The following MTSS1 variants were observed in gnomAD, a reference collection of about 807,000 sequenced individuals.
MTSS1 encodes protein MTSS 1.
A neutral mutation model predicts 79.0 loss-of-function variants in MTSS1; 18 were observed. The ratio of observed to expected loss-of-function variants is 0.23; its 90% confidence interval spans 0.16 to 0.34. The LOEUF is 0.34. Among genes scored for constraint, MTSS1 ranks in the 10% least tolerant of loss-of-function variants. The pLI is 1.00. For missense variants in MTSS1, 815 were observed against 986.2 expected, an observed-to-expected ratio of 0.83 and a Z score of 2.33; for synonymous variants, 341 against 368.6, an observed-to-expected ratio of 0.93 and a Z score of 0.86.
rs745939721 is a variant in MTSS1 at position 124,567,185 on chromosome 8, G to A, written c.619-7C>T. On this transcript the variant is annotated splice_polypyrimidine_tract_variant and splice_region_variant and intron_variant, in intron 7 of 13. Coordinates refer to ENST00000518547, the MANE Select transcript of MTSS1 (RefSeq NM_014751.6). ...GCATTGAGATTTCTTCTTCCTGAAG[G>A]AAAAGTCATTCATGAAATGTTATTA... The A allele has an allele frequency of 8.9e-6, 14 of 1,581,808 alleles. No homozygotes were observed. Among genetic ancestry groups the A allele is most frequent in the Non-Finnish European group, 1.2e-5 (14 of 1,150,802 alleles).
chr8:124,706,128 A>C (rs1279536579), intron 1 of MTSS1, among the ~76,000 whole-genome samples: 1 of 152,180 alleles, frequency 6.6e-6, no homozygotes, highest in Non-Finnish European at 1.5e-5. Flanking sequence ...AACAAGGAGC[A>C]CTCATTATAA....
intron 5 of MTSS1, among the ~76,000 whole-genome samples, chr8:124,587,741 G>C (rs1831123974): frequency 6.6e-6 from 1 of 152,172 alleles, no homozygotes. Flanking sequence ...CTGACCTCAA[G>C]TGATCCACCC....
intron 3 of MTSS1, among the ~76,000 whole-genome samples, chr8:124,690,294 A>G (rs575841713): frequency 5.3e-5 from 8 of 152,326 alleles, no homozygotes; most frequent in Admixed American, 2.6e-4. Context: ...CTAATGGGGA[A>G]ACCCCATTGA....
chr8:124,698,451 C>T (rs908120151), intron 3 of MTSS1, among the ~76,000 whole-genome samples: 2 of 151,948 alleles, frequency 1.3e-5, no homozygotes, highest in South Asian at 4.2e-4. Flanking sequence ...AATCACCCTC[C>T]TCCCTTTGAA....
rs182927527 is a variant in MTSS1 at position 124,552,102 on chromosome 8, T to C, written c.*890A>G. ...AACTGCCTTACCCTTTTGGATGTAT[T>C]TGGATTCCATAAAGGTGAGTACAAT... On this transcript the variant is annotated 3_prime_UTR_variant, in exon 14 of 14. Coordinates refer to ENST00000518547, the MANE Select transcript of MTSS1 (RefSeq NM_014751.6). 19 of 152,784 alleles carry C rather than the reference T, an allele frequency of 1.2e-4. No homozygotes were observed. Among genetic ancestry groups the C allele is most frequent in the African/African-American group, 3.8e-4 (16 of 41,578 alleles). 9.5% of individuals were successfully genotyped at this position (152,784 alleles called of 1,614,324 possible).
chr8:124,717,003 A>T (rs1176692108), intron 1 of MTSS1, among the ~76,000 whole-genome samples: 4 of 97,384 alleles, frequency 4.1e-5, no homozygotes, highest in African/African-American at 2.7e-4. Flanking sequence ...TATAATTAGT[A>T]AAAAAAAAAA....
At chr8:124,645,239 C>A (rs1025707942) in intron 3 of MTSS1, among the ~76,000 whole-genome samples, 2 of 151,952 alleles carry the variant, frequency 1.3e-5, no homozygotes, top group Admixed American at 1.3e-4. Context: ...AAACGAAAAA[C>A]AATTAGCCAG....
At chr8:124,635,502 C>T (rs1308396444) in intron 3 of MTSS1, among the ~76,000 whole-genome samples, 1 of 152,194 alleles carries the variant, frequency 6.6e-6, no homozygotes, top group Non-Finnish European at 1.5e-5. Context: ...TTGACACATC[C>T]CAGGCAAATG....
Position 124,589,544 on chromosome 8 carries a change from G to T in MTSS1, c.385+76C>A. On this transcript the variant is annotated intron_variant, in intron 5 of 13. Coordinates refer to ENST00000518547, the MANE Select transcript of MTSS1 (RefSeq NM_014751.6). Reference sequence around the variant, plus strand: ...GGTGACACCAATAAACCTAGCAGAGGGGCCAGGCAGCAGCTGGCAACTTCC... The same window carrying T: ...GGTGACACCAATAAACCTAGCAGAGTGGCCAGGCAGCAGCTGGCAACTTCC... 3.4e-6 allele frequency: 4 copies of T among 1,165,302 alleles called. No homozygotes were observed. The South Asian group carries it at 5.6e-5, about 16-fold the overall frequency. The allele number at this position is 1,165,302 out of a possible 1,614,324, so 72.2% of individuals were successfully genotyped here. A position where few individuals can be genotyped will look rare whatever the true frequency, so the allele number is the denominator to read the frequency against.
rs1210118002 is a variant in MTSS1, at chr8:124,553,051, T to C, written c.2209A>G (p.Arg737Gly). ...GTGGTCTTCTTCAGTTTCACGCCCCTTCGGATGGCGTTCAGCATGTCTTCT... is the reference window on the plus strand; with the variant it reads ...GTGGTCTTCTTCAGTTTCACGCCCCCTCGGATGGCGTTCAGCATGTCTTCT... ...QGEDMLNAIR[R>G]GVKLKKTTTN... Residue 737 changes from arginine to glycine, a missense_variant, in exon 14 of 14, where the codon AGG (arginine) becomes GGG (glycine). This residue lies in a region of MTSS1 where 590 missense variants were observed against 620.8 expected (regional missense o/e 0.95). Coordinates refer to ENST00000518547, the MANE Select transcript of MTSS1 (RefSeq NM_014751.6). This position sits in a 1 kb window ranked among gnomAD's most constrained non-coding sequence, Gnocchi z 6.0. 6.2e-7 allele frequency: 1 copy of C among 1,614,004 alleles called. No individual in the cohort carries two copies. The highest frequency in any genetic ancestry group is 8.5e-7 in the Non-Finnish European group (1 of 1,180,036).
chr8:124,699,737 C>A, intron 2 of MTSS1, 138 bp from the exon 3 acceptor site: 1 of 755,146 alleles, frequency 1.3e-6, no homozygotes, highest in Non-Finnish European at 2.2e-6. Context: ...TGGACAACCA[C>A]TGTCTTGCTG....
At chr8:124,672,804 C>T (rs932601271) in intron 3 of MTSS1, among the ~76,000 whole-genome samples, 2 of 151,992 alleles carry the variant, frequency 1.3e-5, no homozygotes, top group Non-Finnish European at 2.9e-5. Flanking sequence ...AGCAACACCC[C>T]ATCCTAAAAT....
chr8:124,566,144 G>A (rs1332355370), intron 8 of MTSS1: 1 of 158,348 alleles, frequency 6.3e-6, no homozygotes, highest in Non-Finnish European at 1.4e-5. Context: ...AGACTTGTTG[G>A]TAGCGCATTT....
rs1206580186 is a variant in MTSS1, at chr8:124,568,340, C to A, written c.618+39G>T. ...AAATTAGAAGGAAGCCACCTCTACACCAGCAGTTTAAACCTTCTGGAGTTT... is the reference window on the plus strand; with the variant it reads ...AAATTAGAAGGAAGCCACCTCTACAACAGCAGTTTAAACCTTCTGGAGTTT... On this transcript the variant is annotated intron_variant, in intron 7 of 13. Transcript: ENST00000518547. The A allele has an allele frequency of 3.8e-6, 6 of 1,595,190 alleles. No individual in the cohort carries two copies. In the Admixed American group the frequency reaches 6.9e-5, roughly 18 times the overall value.
At chr8:124,634,303 G>A (rs191885484) in intron 3 of MTSS1, among the ~76,000 whole-genome samples, 6 of 147,102 alleles carry the variant, frequency 4.1e-5, no homozygotes, top group Admixed American at 2.0e-4. Flanking sequence ...TTGTTGTTTT[G>A]TAGTTTTTTT....
chr8:124,614,395 C>T (rs1256148545), intron 3 of MTSS1, among the ~76,000 whole-genome samples: 3 of 152,220 alleles, frequency 2.0e-5, no homozygotes, highest in African/African-American at 7.2e-5. Context: ...TACCATTTCC[C>T]TCTCCTTTCT....
intron 1 of MTSS1, among the ~76,000 whole-genome samples, chr8:124,704,862 T>C (rs1176101375): frequency 2.0e-5 from 3 of 152,146 alleles, no homozygotes; most frequent in East Asian, 1.9e-4. Flanking sequence ...TGCTTCCACA[T>C]GGAAGTCTTT....
chr8:124,563,208 G>T (rs1185686356), intron 9 of MTSS1: 1 of 568,024 alleles, frequency 1.8e-6, no homozygotes, highest in East Asian at 3.0e-5. Flanking sequence ...GCTTTTCCAG[G>T]TGACCCAGGG....
At chr8:124,671,336 G>C (rs1824166728) in intron 3 of MTSS1, among the ~76,000 whole-genome samples, 1 of 152,070 alleles carries the variant, frequency 6.6e-6, no homozygotes, top group African/African-American at 2.4e-5. Context: ...TCACAGTCAT[G>C]CATGGGTACC....
Sources: gnomAD v4.1 joint callset for allele counts (sites outside exome capture counted in the v4.1 genomes callset) on GRCh38, gnomAD v4.1.1 for gene constraint, gnomAD v4.1.1 regional missense constraint, Gnocchi (gnomAD v3.1) non-coding constraint, MANE v1.5 for transcripts, NCBI Gene and HGNC (gene_info 2026-07-23, HGNC 2026-07-21) for gene names.